Variants in KCNK9 observed in about 807,000 individuals in gnomAD.
KCNK9 encodes the protein potassium two pore domain channel subfamily K member 9, also known as potassium channel subfamily K member 9.
In KCNK9, 1 loss-of-function variant was observed where a neutral mutation model predicts 10.8. The ratio of observed to expected loss-of-function variants is 0.09; its 90% confidence interval spans 0.03 to 0.44. The LOEUF is 0.44. Ranked by LOEUF, KCNK9 falls within the 20% of genes least tolerant of loss-of-function variation. The probability of loss-of-function intolerance (pLI) is 0.97; values close to 1 mark genes in which losing one functional copy is unlikely to be tolerated. For missense variants in KCNK9, 303 were observed against 515.0 expected (o/e 0.59, Z 3.98); for synonymous variants, 231 against 222.7 (o/e 1.04, Z -0.33).
intron 1 of KCNK9, among the ~76,000 whole-genome samples, chr8:139,678,857 C>T (rs1006233812): frequency 4.6e-5 from 7 of 152,206 alleles, no homozygotes; most frequent in East Asian, 1.9e-4. Context: ...AGGTTTTAAA[C>T]GGGTAAGAAA....
intron 1 of KCNK9, among the ~76,000 whole-genome samples, chr8:139,646,684 T>A (rs912394120): frequency 9.9e-5 from 15 of 152,246 alleles, no homozygotes; most frequent in African/African-American, 3.6e-4. Flanking sequence ...AATGAATGAA[T>A]GAATGCATCC....
chr8:139,616,239 C>T (rs1814585316), downstream of KCNK9: 1 of 152,088 alleles, frequency 6.6e-6, no homozygotes, highest in Non-Finnish European at 1.5e-5. Context: ...TGCATTAGGG[C>T]TTTTATACCT....
intron 1 of KCNK9, among the ~76,000 whole-genome samples, chr8:139,644,720 C>CT (rs895168639): frequency 6.6e-6 from 1 of 150,722 alleles, no homozygotes; most frequent in South Asian, 2.1e-4. Flanking sequence ...CCCTGTCCCC[C>CT]CCCCCCAGAG....
chr8:139,684,190 T>A (rs555279840), intron 1 of KCNK9, among the ~76,000 whole-genome samples: 7 of 152,310 alleles, frequency 4.6e-5, no homozygotes, highest in African/African-American at 1.2e-4. Flanking sequence ...CCACATTTCA[T>A]TGTAGTCCTC....
intron 1 of KCNK9, among the ~76,000 whole-genome samples, chr8:139,686,180 T>C (rs543249684): frequency 2.9e-4 from 44 of 152,246 alleles, no homozygotes; most frequent in African/African-American, 1.1e-3. Context: ...ACCTAGGCAA[T>C]ACCATTCAGG....
Position 139,693,180 on chromosome 8 carries a change from G to T in KCNK9, c.283+9530C>A, listed in dbSNP as rs377136754. On this transcript the variant is annotated intron_variant, in intron 1 of 1. Coordinates refer to ENST00000520439, the MANE Select transcript of KCNK9 (RefSeq NM_001282534.2). This position sits in a 1 kb window ranked among gnomAD's most constrained non-coding sequence, Gnocchi z 4.1. Reference sequence around the variant, plus strand: ...TTCCTGAGTGGGCTGCACCTCACATGTCTGACAGGGCCAGTGACAGCCAAA... The same window carrying T: ...TTCCTGAGTGGGCTGCACCTCACATTTCTGACAGGGCCAGTGACAGCCAAA... 2.0e-5 allele frequency among the ~76,000 whole-genome samples: 3 copies of T among 152,126 alleles called. No individual in the cohort carries two copies. Among genetic ancestry groups the T allele is most frequent in the East Asian group, 1.9e-4 (1 of 5,176 alleles).
intron 1 of KCNK9, among the ~76,000 whole-genome samples, chr8:139,624,930 G>A (rs989165501): frequency 6.6e-6 from 1 of 152,210 alleles, no homozygotes; most frequent in Non-Finnish European, 1.5e-5. Context: ...TGTGACTCCT[G>A]AGCAGACTCT....
intron 1 of KCNK9, among the ~76,000 whole-genome samples, chr8:139,619,899 TA>T (rs1814724286): frequency 6.6e-6 from 1 of 152,210 alleles, no homozygotes; most frequent in South Asian, 2.1e-4. Context: ...AAGGAATGAA[TA>T]AATTTGCACC....
At chr8:139,634,821 A>G (rs916230158) in intron 1 of KCNK9, among the ~76,000 whole-genome samples, 1 of 152,158 alleles carries the variant, frequency 6.6e-6, no homozygotes, top group Admixed American at 6.5e-5. Flanking sequence ...GACAACAGCC[A>G]TCAGCCGAGG....
intron 1 of KCNK9, among the ~76,000 whole-genome samples, chr8:139,634,790 G>T (rs1453564862): frequency 3.3e-5 from 5 of 152,294 alleles, no homozygotes; most frequent in African/African-American, 1.2e-4. Context: ...GGAATCCTTG[G>T]CTTGAGGGGA....
chr8:139,623,776 T>A lies in KCNK9; in HGVS notation c.284-4677A>T, dbSNP rs535956913. ...CCACGCTTCCCTCATCATAAAGGGG[T>A]CACTTATCCCTTTGGCAATGAGACT... is the stretch of plus-strand genomic sequence containing the variant. On this transcript the variant is annotated intron_variant, in intron 1 of 1. Coordinates refer to ENST00000520439, the MANE Select transcript of KCNK9 (RefSeq NM_001282534.2). 1.4e-4 allele frequency among the ~76,000 whole-genome samples: 22 copies of A among 151,946 alleles called. No individual in the cohort carries two copies. In the South Asian group the frequency reaches 4.6e-3, roughly 32 times the overall value.
At chr8:139,664,640 C>A (rs1056549114) in intron 1 of KCNK9, among the ~76,000 whole-genome samples, 5 of 152,208 alleles carry the variant, frequency 3.3e-5, no homozygotes. Context: ...GCACAGACCC[C>A]GCCCTCCACT....
intron 2 of KCNK9, among the ~76,000 whole-genome samples, chr8:139,606,653 A>T (rs528770926): frequency 4.7e-4 from 71 of 152,316 alleles, no homozygotes; most frequent in African/African-American, 1.7e-3. Context: ...CTGTACATCT[A>T]AGAGGGATTA....
intron 1 of KCNK9, among the ~76,000 whole-genome samples, chr8:139,663,133 C>G (rs923892056): frequency 5.3e-5 from 8 of 152,072 alleles, no homozygotes; most frequent in African/African-American, 1.9e-4. Context: ...GAGGAAGAGA[C>G]CCACCCAGAG....
intron 1 of KCNK9, among the ~76,000 whole-genome samples, chr8:139,653,375 T>C (rs1247633269): frequency 2.6e-5 from 4 of 152,078 alleles, no homozygotes; most frequent in African/African-American, 4.8e-5. Context: ...CTAAGCAAAA[T>C]TGAGGTCCCC....
At position 139,702,690 on chromosome 8, in the gene KCNK9, G is replaced by A. The variant is rs2129829755; in HGVS notation, c.283+20C>T. On this transcript the variant is annotated intron_variant, in intron 1 of 1. Coordinates refer to ENST00000520439, the MANE Select transcript of KCNK9 (RefSeq NM_001282534.2). This position sits in a 1 kb window ranked among gnomAD's most constrained non-coding sequence, Gnocchi z 7.5. ...ACTCCTCCCGGGGCGCGGGAGCCCA[G>A]CGGCGCGCCCAGCCCTTACCTATGG... 6.3e-7 allele frequency: 1 copy of A among 1,595,732 alleles called. No homozygotes were observed. The highest frequency in any genetic ancestry group is 8.5e-7 in the Non-Finnish European group (1 of 1,175,070).
Position 139,618,654 on chromosome 8 carries a change from G to A in KCNK9, c.729C>T (p.Val243=). 6.2e-7 allele frequency: 1 copy of A among 1,614,216 alleles called. No homozygotes were observed. Among genetic ancestry groups the A allele is most frequent in the Non-Finnish European group, 8.5e-7 (1 of 1,180,030 alleles). The part of the protein sequence containing the change: ...TVIGAFLNLV[V]LRFLTMNSED... ...CACTGTTCATGGTCAAGAACCTGAGGACGACCAGGTTGAGGAAGGCCCCGA... is the reference window on the plus strand; with the variant it reads ...CACTGTTCATGGTCAAGAACCTGAGAACGACCAGGTTGAGGAAGGCCCCGA... The change falls in exon 2 of 2, where the codon GTC becomes GTT. Residue 243 remains valine, a synonymous_variant. Transcript: ENST00000520439. This position sits in a 1 kb window ranked among gnomAD's most constrained non-coding sequence, Gnocchi z 7.9.
intron 2 of KCNK9, chr8:139,602,132 T>A (rs565464935): frequency 6.6e-6 from 1 of 152,362 alleles, no homozygotes; most frequent in African/African-American, 2.4e-5. Context: ...AAGTGATCTG[T>A]GCAGCTTCAC....
intron 1 of KCNK9, among the ~76,000 whole-genome samples, chr8:139,641,771 A>G (rs553913604): frequency 6.6e-6 from 1 of 152,152 alleles, no homozygotes; most frequent in Admixed American, 6.5e-5. Flanking sequence ...CTGGGGGAGG[A>G]CCAGCTGACT....
Sources: allele counts gnomAD v4.1 joint callset (sites outside exome capture counted in the v4.1 genomes callset), GRCh38; gene constraint gnomAD v4.1.1; non-coding constraint Gnocchi (gnomAD v3.1); transcripts MANE v1.5; gene names NCBI Gene and HGNC (gene_info 2026-07-23, HGNC 2026-07-21).